PFKFB4: variants seen among roughly 807,000 people sequenced by gnomAD.
PFKFB4 encodes the protein 6-phosphofructo-2-kinase/fructose-2,6-biphosphatase 4.
Under a neutral mutation model 62.8 loss-of-function variants are expected in PFKFB4, and 42 were observed. The ratio of observed to expected loss-of-function variants is 0.67; its 90% confidence interval spans 0.52 to 0.86. PFKFB4 has a LOEUF of 0.86. PFKFB4 is among the 40% of genes least tolerant of loss of function. The pLI is 0.00. For synonymous variants in PFKFB4, 204 were observed against 240.7 expected, an observed-to-expected ratio of 0.85 and a Z score of 1.41; for missense variants, 475 against 627.2, an observed-to-expected ratio of 0.76 and a Z score of 2.59.
At chr3:48,556,837 G>T (rs1444601252), upstream of PFKFB4, 6 of 1,512,598 alleles carry the variant, frequency 4.0e-6, no homozygotes, top group Non-Finnish European at 4.4e-6. The surrounding 1 kb of genome is among the most constrained non-coding windows in gnomAD (Gnocchi z 5.7). Context: ...GCCACCTCGG[G>T]CCACCCGAGG....
intron 1 of PFKFB4, chr3:48,555,974 C>T (rs933356111): frequency 7.9e-6 from 3 of 380,366 alleles, no homozygotes; most frequent in Middle Eastern, 3.7e-4. Flanking sequence ...GTTTAAACAC[C>T]TGGGACCCTA....
intron 13 of PFKFB4, among the ~76,000 whole-genome samples, chr3:48,520,631 T>TA (rs1215110643): frequency 6.6e-6 from 1 of 152,130 alleles, no homozygotes; most frequent in Non-Finnish European, 1.5e-5. Flanking sequence ...TAGGGGCAGG[T>TA]ATAATTCTTA....
At chr3:48,530,271 TA>T (rs2042390629) in intron 9 of PFKFB4, among the ~76,000 whole-genome samples, 1 of 151,638 alleles carries the variant, frequency 6.6e-6, no homozygotes, top group African/African-American at 2.4e-5. Context: ...AATAAATAAA[TA>T]AAAATAAAAT....
At chr3:48,533,850 G>T (rs978570870) in intron 9 of PFKFB4, among the ~76,000 whole-genome samples, 1 of 152,002 alleles carries the variant, frequency 6.6e-6, no homozygotes, top group Non-Finnish European at 1.5e-5. Flanking sequence ...GCAAACCTCC[G>T]TCTCAAAAAA....
Position 48,556,400 on chromosome 3 carries a change from A to G in PFKFB4, c.97+281T>C, listed in dbSNP as rs1033783775. 2.0e-5 allele frequency among the ~76,000 whole-genome samples: 3 copies of G among 152,148 alleles called. No homozygotes were observed. Among genetic ancestry groups the G allele is most frequent in the Non-Finnish European group, 2.9e-5 (2 of 67,990 alleles). ...GATTGGAGAGGGAAGCGAGGGGGCC[A>G]GAGCCCTCCCCGAGGTGATGGTGGC... is the stretch of plus-strand genomic sequence containing the variant. On this transcript the variant is annotated intron_variant, in intron 1 of 13. Transcript: ENST00000232375. The surrounding 1 kb of genome is among the most constrained non-coding windows in gnomAD (Gnocchi z 5.7).
At position 48,527,708 on chromosome 3, in the gene PFKFB4, G is replaced by A. The variant is rs1209017714; in HGVS notation, c.988-2039C>T. ...TCTTTTTTTTTTTTTTTTTTTTTGAGACAGGGTCTCACTCTGTTGCCCAGG... is the reference window on the plus strand; with the variant it reads ...TCTTTTTTTTTTTTTTTTTTTTTGAAACAGGGTCTCACTCTGTTGCCCAGG... On this transcript the variant is annotated intron_variant, in intron 9 of 13. Coordinates refer to ENST00000232375, the MANE Select transcript of PFKFB4 (RefSeq NM_004567.4). 3.0e-5 allele frequency among the ~76,000 whole-genome samples: 4 copies of A among 131,870 alleles called. No homozygotes were observed. The East Asian group carries it at 8.7e-4, about 29-fold the overall frequency. 86.5% of individuals were successfully genotyped at this position (131,870 alleles called of 152,430 possible). A position where few individuals can be genotyped will look rare whatever the true frequency, so the allele number is the denominator to read the frequency against.
intron 1 of PFKFB4, 24 bp from the exon 2 acceptor site, chr3:48,550,258 C>A: frequency 6.7e-7 from 1 of 1,500,066 alleles, no homozygotes; most frequent in South Asian, 1.1e-5. Flanking sequence ...AGCACAGTGT[C>A]AGATGAGGGC....
chr3:48,535,782 A>G, intron 8 of PFKFB4, 124 bp from the exon 9 acceptor site: 1 of 1,141,796 alleles, frequency 8.8e-7, no homozygotes, highest in South Asian at 1.5e-5. Flanking sequence ...GGTAAAAAGC[A>G]TGAACTAACT....
intron 1 of PFKFB4, among the ~76,000 whole-genome samples, chr3:48,554,650 T>A (rs1014300234): frequency 6.6e-6 from 1 of 152,162 alleles, no homozygotes; most frequent in Admixed American, 6.5e-5. Context: ...GGGGTTGGCT[T>A]GGAGCTGATG....
chr3:48,530,818 T>C (rs989321155), intron 9 of PFKFB4, among the ~76,000 whole-genome samples: 5 of 152,158 alleles, frequency 3.3e-5, no homozygotes, highest in African/African-American at 4.8e-5. Context: ...GCAATTCTCC[T>C]GCTTCAGCCT....
chr3:48,561,046 G>A, upstream of PFKFB4: 1 of 1,276,980 alleles, frequency 7.8e-7, no homozygotes, highest in South Asian at 1.3e-5. The surrounding 1 kb of genome is among the most constrained non-coding windows in gnomAD (Gnocchi z 5.2). Context: ...GCTGTCCCGT[G>A]CCTACCCCGC....
intron 5 of PFKFB4, 54 bp downstream of exon 5, chr3:48,539,643 A>C: frequency 7.0e-7 from 1 of 1,425,946 alleles, no homozygotes; most frequent in South Asian, 1.1e-5. Flanking sequence ...GGAGCCCTGG[A>C]GGGCAGGGGA....
Position 48,556,327 on chromosome 3 carries a change from A to G in PFKFB4, c.97+354T>C. ...CACACTCCTTGGCCAGGAGAGAGGG[A>G]AGGGCCTGGGGTGCCCACAGGGTCC... On this transcript the variant is annotated intron_variant, in intron 1 of 13. Transcript: ENST00000232375. The surrounding 1 kb of genome is among the most constrained non-coding windows in gnomAD (Gnocchi z 5.7). 3.9e-6 allele frequency: 2 copies of G among 519,420 alleles called. No homozygotes were observed. The highest frequency in any genetic ancestry group is 3.2e-5 in the South Asian group (2 of 61,882). 32.2% of individuals were successfully genotyped at this position (519,420 alleles called of 1,614,324 possible). A position where few individuals can be genotyped will look rare whatever the true frequency, so the allele number is the denominator to read the frequency against.
In PFKFB4 at chr3:48,550,249, G is replaced by C. The variant is rs1360605018; in HGVS notation, c.98-15C>G. 1 of 1,561,570 alleles carries C rather than the reference G, an allele frequency of 6.4e-7. No individual in the cohort carries two copies. Among genetic ancestry groups the C allele is most frequent in the Non-Finnish European group, 8.8e-7 (1 of 1,132,206 alleles). On this transcript the variant is annotated splice_polypyrimidine_tract_variant and intron_variant, in intron 1 of 13. Coordinates refer to ENST00000232375, the MANE Select transcript of PFKFB4 (RefSeq NM_004567.4). Reference sequence around the variant, plus strand: ...GGTCATGCACACTAAAAGGCAAGCAGCACAGTGTCAGATGAGGGCTGGGAC... The same window carrying C: ...GGTCATGCACACTAAAAGGCAAGCACCACAGTGTCAGATGAGGGCTGGGAC...
intron 7 of PFKFB4, 119 bp downstream of exon 7, chr3:48,538,379 C>T: frequency 7.8e-7 from 1 of 1,276,230 alleles, no homozygotes; most frequent in Non-Finnish European, 1.1e-6. Flanking sequence ...CAAGAAAGGT[C>T]AGACCATCTC....
At chr3:48,536,648 A>C in intron 7 of PFKFB4, 185 bp from the exon 8 acceptor site, 3 of 579,660 alleles carry the variant, frequency 5.2e-6, no homozygotes, top group African/African-American at 1.9e-5. Flanking sequence ...AGTGCGTGTG[A>C]CGCACAGGCA....
At chr3:48,537,047 G>T (rs1203630631) in intron 7 of PFKFB4, among the ~76,000 whole-genome samples, 1 of 152,164 alleles carries the variant, frequency 6.6e-6, no homozygotes, top group Non-Finnish European at 1.5e-5. Flanking sequence ...ACAGGAGGAT[G>T]GTGCTGGTGG....
intron 12 of PFKFB4, 107 bp from the exon 13 acceptor site, chr3:48,522,157 C>T: frequency 5.3e-6 from 5 of 951,678 alleles, no homozygotes; most frequent in Non-Finnish European, 8.4e-6. Context: ...AATGGAGCAG[C>T]CATCTCAGCC....
At chr3:48,519,922 C>T (rs2042042240) in intron 13 of PFKFB4, 116 bp from the exon 14 acceptor site, 2 of 782,530 alleles carry the variant, frequency 2.6e-6, no homozygotes, top group African/African-American at 1.7e-5. Flanking sequence ...GTAGCAGCCA[C>T]AGCCGCAAGA....
Sources: allele counts gnomAD v4.1 joint callset (sites outside exome capture counted in the v4.1 genomes callset), GRCh38; gene constraint gnomAD v4.1.1; non-coding constraint Gnocchi (gnomAD v3.1); transcripts MANE v1.5; gene names NCBI Gene and HGNC (gene_info 2026-07-23, HGNC 2026-07-21).